Variants in XKR6 observed in about 807,000 individuals in gnomAD.
The protein encoded by XKR6 is XK related 6.
XKR6 carries 22 observed loss-of-function variants against 56.7 expected under a neutral mutation model. That is an observed-to-expected ratio of 0.39 (90% CI 0.28 to 0.55). The LOEUF (loss-of-function observed/expected upper bound fraction) is 0.55. XKR6 is among the 20% of genes least tolerant of loss of function. XKR6 has a pLI of 0.66. For missense variants in XKR6, 852 were observed against 889.0 expected (o/e 0.96, Z 0.53); for synonymous variants, 524 against 387.8 (o/e 1.35, Z -4.13).
chr8:10,916,188 T>C (rs567780767), intron 2 of XKR6, among the ~76,000 whole-genome samples: 66 of 152,376 alleles, frequency 4.3e-4, no homozygotes, highest in Non-Finnish European at 7.8e-4. Flanking sequence ...TGAGTCATTA[T>C]GCAATGTCGT....
At chr8:11,082,998 C>T (rs569554413) in intron 1 of XKR6, among the ~76,000 whole-genome samples, 1 of 152,354 alleles carries the variant, frequency 6.6e-6, no homozygotes, top group East Asian at 1.9e-4. Context: ...CTTCCCAGCC[C>T]TTTCTGCACA....
chr8:11,128,789 G>T (rs1156666271), intron 1 of XKR6: 1 of 455,862 alleles, frequency 2.2e-6, no homozygotes, highest in African/African-American at 2.0e-5. Flanking sequence ...CCCATCAGCT[G>T]ACCAAATTAG....
At chr8:11,157,146 C>G (rs1209024286) in intron 1 of XKR6, among the ~76,000 whole-genome samples, 1 of 152,150 alleles carries the variant, frequency 6.6e-6, no homozygotes, top group African/African-American at 2.4e-5. Flanking sequence ...AATGCCTGAC[C>G]AGCAAGCCTC....
chr8:11,156,186 G>A (rs1398601316), intron 1 of XKR6, among the ~76,000 whole-genome samples: 1 of 152,182 alleles, frequency 6.6e-6, no homozygotes, highest in Non-Finnish European at 1.5e-5. Context: ...GGCAAGGTCA[G>A]AATCTGCACC....
intron 1 of XKR6, among the ~76,000 whole-genome samples, chr8:11,047,491 G>A (rs78903946): frequency 2.1e-4 from 32 of 152,204 alleles, no homozygotes; most frequent in Non-Finnish European, 4.0e-4. Context: ...TATGTCATTG[G>A]CCCATTTTCC....
Position 10,924,703 on chromosome 8 carries a change from C to T in XKR6, c.892G>A (p.Glu298Lys). The stretch of plus-strand genomic sequence containing the variant: ...TGTAGCACCAGTTGGGGCGCGCTCT[C>T]CAGGAAGGTCTCCAGGAGGCGCAGC... ...NMLRLLETFL[E>K]SAPQLVLQLY... Residue 298 changes from glutamate to lysine, a missense_variant, in exon 2 of 3, where the codon GAG becomes AAG. By Grantham distance (56) the Glu-to-Lys change is moderately conservative. Around this residue, in one of 4 missense-constraint regions of XKR6, gnomAD observed 199 missense variants for 280.4 expected, o/e 0.71. Coordinates refer to ENST00000416569, the MANE Select transcript of XKR6 (RefSeq NM_173683.4). 3.1e-6 allele frequency: 5 copies of T among 1,613,602 alleles called. No homozygotes were observed. The highest frequency in any genetic ancestry group is 4.2e-6 in the Non-Finnish European group (5 of 1,179,988).
At chr8:11,164,555 G>C (rs1563186932) in intron 1 of XKR6, among the ~76,000 whole-genome samples, 1 of 152,196 alleles carries the variant, frequency 6.6e-6, no homozygotes, top group Non-Finnish European at 1.5e-5. Context: ...TATCTTAAAA[G>C]ATATATGGCT....
intron 1 of XKR6, among the ~76,000 whole-genome samples, chr8:11,119,951 T>C (rs1434187291): frequency 1.3e-5 from 2 of 152,124 alleles, no homozygotes; most frequent in African/African-American, 4.8e-5. Context: ...ATTATCTCAA[T>C]AGATGCAGAA....
chr8:11,185,160 G>A (rs553127284), intron 1 of XKR6, among the ~76,000 whole-genome samples: 1 of 152,184 alleles, frequency 6.6e-6, no homozygotes, highest in Non-Finnish European at 1.5e-5. Context: ...GTCCAGGACT[G>A]GTGCCCGCCG....
At chr8:11,028,907 G>A (rs1371658152) in intron 1 of XKR6, among the ~76,000 whole-genome samples, 1 of 152,180 alleles carries the variant, frequency 6.6e-6, no homozygotes, top group Non-Finnish European at 1.5e-5. Context: ...AGGGTGGGAT[G>A]TGAACTCTCT....
At chr8:11,176,180 G>T (rs1802643619) in intron 1 of XKR6, among the ~76,000 whole-genome samples, 1 of 152,042 alleles carries the variant, frequency 6.6e-6, no homozygotes, top group Non-Finnish European at 1.5e-5. Context: ...TTTGAAACCG[G>T]AAAAATCTCA....
chr8:10,994,003 T>C (rs540903943), intron 1 of XKR6, among the ~76,000 whole-genome samples: 10 of 152,326 alleles, frequency 6.6e-5, no homozygotes, highest in Non-Finnish European at 4.4e-5. Flanking sequence ...TATATCCTGT[T>C]TGGTGTTTCA....
intron 1 of XKR6, among the ~76,000 whole-genome samples, chr8:11,121,984 A>G (rs1799480681): frequency 6.6e-6 from 1 of 152,256 alleles, no homozygotes; most frequent in African/African-American, 2.4e-5. Flanking sequence ...GAATTGAACA[A>G]TAAGAACACT....
At chr8:10,970,535 C>G (rs1320052983) in intron 1 of XKR6, among the ~76,000 whole-genome samples, 1 of 151,802 alleles carries the variant, frequency 6.6e-6, no homozygotes, top group African/African-American at 2.4e-5. Context: ...CCAGAAATGC[C>G]CCAGCCTCAT....
At chr8:11,027,820 TC>T (rs1374084083) in intron 1 of XKR6, among the ~76,000 whole-genome samples, 1 of 151,874 alleles carries the variant, frequency 6.6e-6, no homozygotes, top group Non-Finnish European at 1.5e-5. Flanking sequence ...AAATATCCCC[TC>T]CCCCTGGCGC....
At chr8:10,979,348 G>A (rs1185295043) in intron 1 of XKR6, among the ~76,000 whole-genome samples, 1 of 151,908 alleles carries the variant, frequency 6.6e-6, no homozygotes, top group Non-Finnish European at 1.5e-5. Context: ...GAGGAAGCAA[G>A]CAGAAGGCTC....
At chr8:11,087,649 G>A (rs1298230285) in intron 1 of XKR6, among the ~76,000 whole-genome samples, 4 of 152,146 alleles carry the variant, frequency 2.6e-5, no homozygotes, top group African/African-American at 7.2e-5. Context: ...TTCTGAAGAC[G>A]GCAGAGCAAA....
intron 1 of XKR6, among the ~76,000 whole-genome samples, chr8:11,051,584 C>T (rs1799549346): frequency 6.6e-6 from 1 of 152,202 alleles, no homozygotes; most frequent in African/African-American, 2.4e-5. Context: ...CTCTTTTCCT[C>T]ACGCCCCATG....
intron 1 of XKR6, among the ~76,000 whole-genome samples, chr8:10,994,829 G>C (rs552529322): frequency 9.9e-5 from 15 of 152,258 alleles, no homozygotes; most frequent in African/African-American, 3.6e-4. Context: ...AAATTCCAAA[G>C]CTCATGAGGC....
Sources: gnomAD v4.1 joint callset for allele counts (sites outside exome capture counted in the v4.1 genomes callset) on GRCh38, gnomAD v4.1.1 for gene constraint, gnomAD v4.1.1 regional missense constraint, MANE v1.5 for transcripts, NCBI Gene and HGNC (gene_info 2026-07-23, HGNC 2026-07-21) for gene names.